TNS1: variants seen among roughly 807,000 people sequenced by gnomAD.
TNS1 encodes tensin-1.
In TNS1, 62 loss-of-function variants were observed where a neutral mutation model predicts 168.6. That is an observed-to-expected ratio of 0.37 (90% CI 0.30 to 0.45). The LOEUF is 0.45. TNS1 is among the 20% of genes least tolerant of loss of function. The pLI, the probability that TNS1 is intolerant of heterozygous loss-of-function variation, is 1.00. For synonymous variants in TNS1, 934 were observed against 933.2 expected (o/e 1.00, Z -0.02); for missense variants, 2,240 against 2,339.4 (o/e 0.96, Z 0.88).
intron 1 of TNS1, among the ~76,000 whole-genome samples, chr2:218,009,036 C>T (rs1490559764): frequency 6.6e-6 from 1 of 152,230 alleles, no homozygotes; most frequent in African/African-American, 2.4e-5. Context: ...AAGATACAGG[C>T]AGATCCTGTA....
chr2:217,809,151 T>G (rs2125073068), intron 30 of TNS1, among the ~76,000 whole-genome samples: 2 of 151,678 alleles, frequency 1.3e-5, no homozygotes, highest in African/African-American at 2.4e-5. Context: ...AAGGGATAGA[T>G]GAGGGATGAA....
intron 2 of TNS1, among the ~76,000 whole-genome samples, chr2:217,980,535 A>AGAGAGAGAGAGG (rs1559398482): frequency 2.9e-4 from 44 of 149,246 alleles, no homozygotes; most frequent in African/African-American, 1.1e-3. Flanking sequence ...AGAGAGAGAG[A>AGAGAGAGAGAGG]GAGAGAGAGA....
At chr2:217,914,900 T>C (rs902421249) in intron 4 of TNS1, among the ~76,000 whole-genome samples, 3 of 152,330 alleles carry the variant, frequency 2.0e-5, no homozygotes, top group South Asian at 4.1e-4. Context: ...CAATGGAAAA[T>C]GAATCCATTT....
At chr2:217,879,536 A>G in intron 18 of TNS1, 1 of 387,250 alleles carries the variant, frequency 2.6e-6, no homozygotes. Flanking sequence ...AGGGGTTGGG[A>G]ACTGAGGCAG....
rs1441482365 is a variant in TNS1, at chr2:217,978,905, A to AGGAG, written c.149-104_149-103insCTCC. On this transcript the variant is annotated intron_variant, in intron 2 of 32. Coordinates refer to ENST00000682258, the MANE Select transcript of TNS1 (RefSeq NM_001387777.1). ...CCCAGCCCGCAATCCGCGCTCGGGA[A>AGGAG]GGAAGGAGGGAAGGAGGGACGGAGG... The AGGAG allele has an allele frequency of 1.1e-4, 74 of 685,766 alleles. No individual in the cohort carries two copies. The African/African-American group carries it at 1.1e-3, about 11-fold the overall frequency. 42.5% of individuals were successfully genotyped at this position (685,766 alleles called of 1,614,324 possible).
intron 27 of TNS1, among the ~76,000 whole-genome samples, chr2:217,812,766 A>C (rs1484308789): frequency 6.6e-6 from 1 of 152,224 alleles, no homozygotes; most frequent in East Asian, 1.9e-4. Context: ...TGTGGGATCC[A>C]ATCCCAGCTC....
chr2:218,027,521 G>A (rs540037688), intron 1 of TNS1, among the ~76,000 whole-genome samples: 11 of 152,096 alleles, frequency 7.2e-5, no homozygotes, highest in South Asian at 6.2e-4. Flanking sequence ...TCAAAGTGTC[G>A]CCTCCTCTGG....
intron 4 of TNS1, among the ~76,000 whole-genome samples, chr2:217,908,631 A>G (rs1348429567): frequency 6.6e-6 from 1 of 152,118 alleles, no homozygotes; most frequent in Non-Finnish European, 1.5e-5. Flanking sequence ...GGAGGAAGAG[A>G]CTGGGCTGAG....
intron 23 of TNS1, 49 bp from the exon 24 acceptor site, chr2:217,818,808 G>T: frequency 3.4e-6 from 5 of 1,491,580 alleles, no homozygotes; most frequent in Non-Finnish European, 4.6e-6. Flanking sequence ...ACTGAATGAA[G>T]GGTGGATTTA....
Position 217,848,605 on chromosome 2 carries a change from C to T in TNS1, c.1912G>A (p.Ala638Thr), listed in dbSNP as rs762633359. 6 of 1,614,186 alleles carry T rather than the reference C, an allele frequency of 3.7e-6. No individual in the cohort carries two copies. The Admixed American group carries it at 8.3e-5, about 22-fold the overall frequency. The stretch of plus-strand genomic sequence containing the variant: ...GAAGAGAGTGTGCCCATGCTGCCCG[C>T]ACTGTGACCATCCTGGTTTGGCAAT... Reference protein sequence around the residue: ...DELPNQDGHSAGSMGTLSSLD... With the variant: ...DELPNQDGHSTGSMGTLSSLD... Residue 638 changes from alanine to threonine, a missense_variant, in exon 19 of 33, where the codon GCG becomes ACG. Ala to Thr is a moderately conservative substitution (Grantham distance 58, BLOSUM62 0). Coordinates refer to ENST00000682258, the MANE Select transcript of TNS1 (RefSeq NM_001387777.1).
chr2:217,962,754 A>G (rs1226064770), intron 3 of TNS1, among the ~76,000 whole-genome samples: 1 of 152,238 alleles, frequency 6.6e-6, no homozygotes, highest in Non-Finnish European at 1.5e-5. Context: ...CAAAAGTGCC[A>G]AACTCATCAG....
At chr2:217,806,765 T>C (rs1276432202) in intron 32 of TNS1, among the ~76,000 whole-genome samples, 1 of 152,218 alleles carries the variant, frequency 6.6e-6, no homozygotes, top group Non-Finnish European at 1.5e-5. Flanking sequence ...TGAGGCATTC[T>C]CACTAGCCTC....
chr2:217,805,472 ACAC>A (rs1938404602), intron 32 of TNS1, among the ~76,000 whole-genome samples: 1 of 76,130 alleles, frequency 1.3e-5, no homozygotes, highest in Non-Finnish European at 2.6e-5. Flanking sequence ...ACCACCACAC[ACAC>A]CACACACACC....
intron 18 of TNS1, chr2:217,858,565 C>T: frequency 1.0e-6 from 1 of 986,118 alleles, no homozygotes. Context: ...GCCCCAAGTT[C>T]CCAATAATTC....
chr2:217,853,041 C>T (rs1947706512), intron 18 of TNS1, among the ~76,000 whole-genome samples: 1 of 152,126 alleles, frequency 6.6e-6, no homozygotes, highest in Non-Finnish European at 1.5e-5. Flanking sequence ...CTCCTCCTCC[C>T]ACCAGAGACA....
At chr2:217,910,442 A>C (rs1954240279) in intron 4 of TNS1, among the ~76,000 whole-genome samples, 1 of 151,948 alleles carries the variant, frequency 6.6e-6, no homozygotes, top group Admixed American at 6.6e-5. Context: ...CTCTCCCAGG[A>C]TTCAAGTCCT....
At chr2:217,885,009 C>A (rs373331703) in intron 16 of TNS1, 26 bp downstream of exon 16, 6 of 1,613,498 alleles carry the variant, frequency 3.7e-6, no homozygotes, top group East Asian at 4.5e-5. Context: ...GGGGTGCCCA[C>A]CCCCAGCTCC....
intron 1 of TNS1, among the ~76,000 whole-genome samples, chr2:217,997,342 G>A (rs115673664): frequency 0.018 from 2,711 of 152,174 alleles, 37 homozygotes; most frequent in South Asian, 0.055. Context: ...CATTGTTTTC[G>A]TTTTCATTTT....
At chr2:217,979,811 G>A (rs576085269) in intron 2 of TNS1, among the ~76,000 whole-genome samples, 5 of 152,176 alleles carry the variant, frequency 3.3e-5, no homozygotes, top group African/African-American at 1.2e-4. Context: ...GAACTGGGGA[G>A]GGGGAGATAG....
Sources: gnomAD v4.1 joint callset for allele counts (sites outside exome capture counted in the v4.1 genomes callset) on GRCh38, gnomAD v4.1.1 for gene constraint, MANE v1.5 for transcripts, NCBI Gene and HGNC (gene_info 2026-07-23, HGNC 2026-07-21) for gene names.